HHAT: variants seen among roughly 807,000 people sequenced by gnomAD.
HHAT encodes protein-cysteine N-palmitoyltransferase HHAT.
HHAT carries 47 observed loss-of-function variants against 70.8 expected under a neutral mutation model. The observed-to-expected ratio is 0.66, with a 90% CI of 0.53 to 0.85. The LOEUF is 0.85. HHAT is among the 40% of genes least tolerant of loss of function. The pLI is 0.00. For missense variants in HHAT, 609 were observed against 604.8 expected (o/e 1.01, Z -0.07); for synonymous variants, 228 against 247.6 (o/e 0.92, Z 0.74).
chr1:210,424,036 C>T (rs2092984246), intron 7 of HHAT, among the ~76,000 whole-genome samples: 1 of 152,116 alleles, frequency 6.6e-6, no homozygotes, highest in South Asian at 2.1e-4. Flanking sequence ...TTTTGTGGTT[C>T]CACACAATTT....
chr1:210,352,748 T>TC (rs1308361841), intron 2 of HHAT, among the ~76,000 whole-genome samples: 2 of 151,912 alleles, frequency 1.3e-5, no homozygotes, highest in African/African-American at 2.4e-5. Context: ...TACCCCTTCT[T>TC]CCCCCCAACT....
chr1:210,363,599 ATTCT>A (rs2088593650), intron 3 of HHAT, among the ~76,000 whole-genome samples: 1 of 151,702 alleles, frequency 6.6e-6, no homozygotes, highest in South Asian at 2.1e-4. Context: ...GGTTCTTCTC[ATTCT>A]TCTCCATTCA....
intron 9 of HHAT, among the ~76,000 whole-genome samples, chr1:210,546,234 A>G (rs1039220881): frequency 6.6e-6 from 1 of 152,236 alleles, no homozygotes; most frequent in Admixed American, 6.5e-5. Context: ...TCCCTGATAC[A>G]AAGTGGCCCA....
chr1:210,343,918 T>C (rs544586445), intron 1 of HHAT, among the ~76,000 whole-genome samples: 1 of 152,314 alleles, frequency 6.6e-6, no homozygotes, highest in East Asian at 1.9e-4. Flanking sequence ...CTAATGTTTG[T>C]TGAGTGCTTA....
Position 210,518,520 on chromosome 1 carries a change from C to T in HHAT, c.1043+5332C>T, listed in dbSNP as rs531471660. Among the ~76,000 whole-genome samples the T allele has an allele frequency of 1.1e-4, 17 of 152,196 alleles. 1 individual carries two copies. The highest frequency in any genetic ancestry group is 3.4e-3 in the Middle Eastern group (1 of 294). On this transcript the variant is annotated intron_variant, in intron 9 of 11. Coordinates refer to ENST00000261458, the MANE Select transcript of HHAT (RefSeq NM_018194.6). Reference sequence around the variant, plus strand: ...AAAACATTTTATTTGGCCCCAGGCACGGTGGCTCGCACCTGTAATCCCAGC... The same window carrying T: ...AAAACATTTTATTTGGCCCCAGGCATGGTGGCTCGCACCTGTAATCCCAGC...
intron 7 of HHAT, among the ~76,000 whole-genome samples, chr1:210,419,308 G>T (rs1195894414): frequency 1.3e-5 from 2 of 152,156 alleles, no homozygotes; most frequent in Admixed American, 1.3e-4. Flanking sequence ...CTGTGTGTCT[G>T]CCAGGGAGGT....
At position 210,417,986 on chromosome 1, in the gene HHAT, T is replaced by TA. The variant is rs568396220; in HGVS notation, c.685-167dup. On this transcript the variant is annotated intron_variant, in intron 6 of 11. Transcript: ENST00000261458. ...TTTGAGACAAATGTTCAAGCTGAAATACGATTCTTCCAACCAAGAACATTG... is the reference window on the plus strand; with the variant it reads ...TTTGAGACAAATGTTCAAGCTGAAATAACGATTCTTCCAACCAAGAACATTG... Among the ~76,000 whole-genome samples, 12 of 152,278 alleles carry TA rather than the reference T, an allele frequency of 7.9e-5. No homozygotes were observed. In the East Asian group the frequency reaches 2.1e-3, roughly 27 times the overall value.
intron 11 of HHAT, among the ~76,000 whole-genome samples, chr1:210,659,139 G>T (rs1677100710): frequency 6.6e-6 from 1 of 152,158 alleles, no homozygotes; most frequent in East Asian, 1.9e-4. Context: ...AAAAATCAAT[G>T]AATCCAGGAG....
At chr1:210,497,729 G>A (rs1017838123) in intron 8 of HHAT, among the ~76,000 whole-genome samples, 2 of 151,756 alleles carry the variant, frequency 1.3e-5, no homozygotes, top group African/African-American at 4.8e-5. Context: ...ATTTGTTCTC[G>A]AAGAGTTGCT....
chr1:210,354,515 A>ATTTATT (rs2087408774), intron 2 of HHAT, among the ~76,000 whole-genome samples: 1 of 152,026 alleles, frequency 6.6e-6, no homozygotes, highest in Non-Finnish European at 1.5e-5. Context: ...TTTTGTTAAA[A>ATTTATT]TTTATTTTTA....
intron 8 of HHAT, among the ~76,000 whole-genome samples, chr1:210,487,767 A>G (rs754610513): frequency 2.6e-5 from 4 of 152,208 alleles, no homozygotes; most frequent in Non-Finnish European, 2.9e-5. Context: ...TATAAAGGAA[A>G]TTTACATTTA....
At chr1:210,351,463 AGTGTTCTTTCTGCATCTCTTGATCAGTT>A (rs2147981250) in intron 2 of HHAT, among the ~76,000 whole-genome samples, 2 of 152,336 alleles carry the variant, frequency 1.3e-5, no homozygotes, top group African/African-American at 4.8e-5. Context: ...GATTTTGTCA[AGTGTTCTTTCTGCATCTCTTGATCAGTT>A]TATTCTTCTT....
chr1:210,576,119 T>G (rs1657669004), intron 9 of HHAT, among the ~76,000 whole-genome samples: 2 of 152,124 alleles, frequency 1.3e-5, no homozygotes, highest in African/African-American at 4.8e-5. Context: ...TTTGACCCCT[T>G]AGCACTAAGT....
At chr1:210,584,526 C>T (rs1269708334) in intron 9 of HHAT, among the ~76,000 whole-genome samples, 1 of 152,122 alleles carries the variant, frequency 6.6e-6, no homozygotes, top group Non-Finnish European at 1.5e-5. Flanking sequence ...GAGTATTCTA[C>T]ACCAATGACC....
At chr1:210,543,407 T>C (rs12405221) in intron 9 of HHAT, among the ~76,000 whole-genome samples, 44,316 of 151,530 alleles carry the variant, frequency 0.29, 6,599 homozygotes, top group Middle Eastern at 0.38. Flanking sequence ...AAATAATCTC[T>C]CTTCACTCTT....
rs36045825 is a variant in HHAT, at chr1:210,451,087, CAAAAA to C, written c.857-13401_857-13397del. 2.9e-4 allele frequency among the ~76,000 whole-genome samples: 27 copies of C among 91,666 alleles called. No individual in the cohort carries two copies. The East Asian group carries it at 6.1e-3, about 21-fold the overall frequency. 60.1% of individuals were successfully genotyped at this position (91,666 alleles called of 152,430 possible). On this transcript the variant is annotated intron_variant, in intron 7 of 11. Coordinates refer to ENST00000261458, the MANE Select transcript of HHAT (RefSeq NM_018194.6). ...GGGCAACAGAGCGAGACTCCATCTC[CAAAAA>C]AAAAAAAAAAAAAAAAGTTGTTTGT...
intron 10 of HHAT, among the ~76,000 whole-genome samples, chr1:210,616,590 A>C (rs570655942): frequency 6.6e-6 from 1 of 152,328 alleles, no homozygotes; most frequent in East Asian, 1.9e-4. Context: ...TTGTTGAACA[A>C]ACATTTCTTG....
At chr1:210,603,720 G>C (rs75772850) in intron 10 of HHAT, among the ~76,000 whole-genome samples, 1 of 152,150 alleles carries the variant, frequency 6.6e-6, no homozygotes, top group Non-Finnish European at 1.5e-5. Flanking sequence ...GATTTTTAAA[G>C]ATCTAAGGCA....
At chr1:210,333,225 A>C (rs1182785094) in intron 1 of HHAT, among the ~76,000 whole-genome samples, 1 of 152,162 alleles carries the variant, frequency 6.6e-6, no homozygotes, top group Non-Finnish European at 1.5e-5. Flanking sequence ...TTGATTTATT[A>C]TGGTCTCTGT....
Sources: gnomAD v4.1 joint callset for allele counts (sites outside exome capture counted in the v4.1 genomes callset) on GRCh38, gnomAD v4.1.1 for gene constraint, MANE v1.5 for transcripts, NCBI Gene and HGNC (gene_info 2026-07-23, HGNC 2026-07-21) for gene names.